Variants in SMC2 observed in about 807,000 individuals in gnomAD.
The protein encoded by SMC2 is structural maintenance of chromosomes protein 2.
A neutral mutation model predicts 142.6 loss-of-function variants in SMC2; 41 were observed. The observed-to-expected ratio is 0.29, with a 90% confidence interval of 0.22 to 0.37. The LOEUF (loss-of-function observed/expected upper bound fraction) is 0.37. Among genes scored for constraint, SMC2 ranks in the 10% least tolerant of loss-of-function variants. The pLI is 1.00. For synonymous variants in SMC2, 463 were observed against 457.5 expected (o/e 1.01, Z -0.15); for missense variants, 1,265 against 1,373.7 (o/e 0.92, Z 1.25).
At chr9:104,137,119 T>G (rs1267743097) in intron 23 of SMC2, among the ~76,000 whole-genome samples, 2 of 152,048 alleles carry the variant, frequency 1.3e-5, no homozygotes, top group African/African-American at 2.4e-5. Flanking sequence ...CTGCACTTCA[T>G]CCGGGGTGAC....
Position 104,134,400 on chromosome 9 carries a change from A to T in SMC2, c.3109-15A>T. ...AGCATCCTGATGTTTTAACTTTTTT[A>T]TTTTTTAAATCCAGGTGAACAAGGA... On this transcript the variant is annotated splice_polypyrimidine_tract_variant and intron_variant, in intron 22 of 24. Coordinates refer to ENST00000374793, the MANE Select transcript of SMC2 (RefSeq NM_006444.3). 1 of 1,559,062 alleles carries T rather than the reference A, an allele frequency of 6.4e-7. No homozygotes were observed. The highest frequency in any genetic ancestry group is 8.7e-7 in the Non-Finnish European group (1 of 1,154,954).
chr9:104,097,057 C>T (rs1248987990), intron 3 of SMC2, among the ~76,000 whole-genome samples: 7 of 150,666 alleles, frequency 4.6e-5, no homozygotes, highest in Non-Finnish European at 8.8e-5. Flanking sequence ...TTACTTGAAA[C>T]CACTCAATTT....
Position 104,132,067 on chromosome 9 carries a change from C to T in SMC2, c.3050C>T (p.Thr1017Ile), listed in dbSNP as rs765162261. The T allele has an allele frequency of 1.2e-6, 2 of 1,602,800 alleles. No individual in the cohort carries two copies. Among genetic ancestry groups the T allele is most frequent in the South Asian group, 2.2e-5 (2 of 88,978 alleles). Residue 1017 changes from threonine (T) to isoleucine (I), a missense_variant, in exon 22 of 25, where the codon ACA becomes ATA. Coordinates refer to ENST00000374793, the MANE Select transcript of SMC2 (RefSeq NM_006444.3). ...GAAAATGACAAATCCAAAATTCTTA[C>T]AACTATAGAAGACCTTGACCAGAAG... ...IVENDKSKIL[T>I]TIEDLDQKKN... is the part of the protein sequence containing the mutation.
rs544194442 is a variant in SMC2 at position 104,098,579 on chromosome 9, T to G, written c.441+11T>G. On this transcript the variant is annotated intron_variant, in intron 4 of 24. Coordinates refer to ENST00000374793, the MANE Select transcript of SMC2 (RefSeq NM_006444.3). Reference sequence around the variant, plus strand: ...TTTCTCATCATGCAGGTATTTCGTTTGAGGTCTTTATATCACTTTCGTAAT... The same window carrying G: ...TTTCTCATCATGCAGGTATTTCGTTGGAGGTCTTTATATCACTTTCGTAAT... The G allele has an allele frequency of 1.1e-5, 17 of 1,584,164 alleles. No homozygotes were observed. The African/African-American group carries it at 2.1e-4, about 19-fold the overall frequency.
intron 11 of SMC2, 92 bp from the exon 12 acceptor site, chr9:104,113,872 T>C: frequency 1.4e-6 from 1 of 735,126 alleles, no homozygotes; most frequent in Non-Finnish European, 2.2e-6. Context: ...ATTTTTTGCA[T>C]GCTTTGGAAA....
chr9:104,097,236 A>G (rs190908537), intron 3 of SMC2, among the ~76,000 whole-genome samples: 1 of 148,670 alleles, frequency 6.7e-6, no homozygotes, highest in East Asian at 2.0e-4. Context: ...AGCTGGGACT[A>G]CAGGTGCCCA....
intron 20 of SMC2, among the ~76,000 whole-genome samples, chr9:104,128,071 G>A (rs1007260342): frequency 2.0e-5 from 3 of 152,130 alleles, no homozygotes; most frequent in Admixed American, 2.0e-4. Context: ...TCATTGCTTG[G>A]TTAAGAAGCT....
At chr9:104,098,632 A>G in intron 4 of SMC2, 64 bp downstream of exon 4, 1 of 1,448,150 alleles carries the variant, frequency 6.9e-7, no homozygotes. Context: ...CTTTTAAGCA[A>G]TTAAAATAGA....
At chr9:104,094,234 A>G, upstream of SMC2, 1 of 396,962 alleles carries the variant, frequency 2.5e-6, no homozygotes, top group Non-Finnish European at 4.4e-6. Context: ...ATTGAACCCT[A>G]AAGACAGGCA....
At chr9:104,115,805 A>G (rs1331997139) in intron 13 of SMC2, among the ~76,000 whole-genome samples, 1 of 152,090 alleles carries the variant, frequency 6.6e-6, no homozygotes, top group Non-Finnish European at 1.5e-5. Flanking sequence ...AGATTTATTT[A>G]TCCTACCCAA....
At chr9:104,106,977 T>C (rs1831870037) in intron 9 of SMC2, among the ~76,000 whole-genome samples, 1 of 152,178 alleles carries the variant, frequency 6.6e-6, no homozygotes, top group Admixed American at 6.5e-5. Context: ...GCCATACTAT[T>C]AGTAGGCACA....
rs1834744238 is a variant in SMC2, at chr9:104,129,813, G to A, written c.2959G>A (p.Ala987Thr). Residue 987 changes from alanine (A) to threonine (T), a missense_variant, in exon 21 of 25, where the codon GCT becomes ACT. This residue lies in a region of SMC2 where 192 missense variants were observed against 261.9 expected (regional missense o/e 0.73). Coordinates refer to ENST00000374793, the MANE Select transcript of SMC2 (RefSeq NM_006444.3). Reference protein sequence around the residue: ...EKLGRNVNMRAMNVLTEAEER... With the variant: ...EKLGRNVNMRTMNVLTEAEER... Reference sequence around the variant, plus strand: ...ACTAGGAAGAAATGTCAATATGAGAGCTATGAATGTATTGACAGAAGCTGA... The same window carrying A: ...ACTAGGAAGAAATGTCAATATGAGAACTATGAATGTATTGACAGAAGCTGA... The A allele has an allele frequency of 6.2e-7, 1 of 1,613,626 alleles. No homozygotes were observed. Among genetic ancestry groups the A allele is most frequent in the South Asian group, 1.1e-5 (1 of 91,080 alleles).
chr9:104,093,765 G>C (rs1426504120), upstream of SMC2, among the ~76,000 whole-genome samples: 1 of 152,192 alleles, frequency 6.6e-6, no homozygotes, highest in Non-Finnish European at 1.5e-5. Context: ...AGGCCAGTAC[G>C]GGGCGGAGCC....
At chr9:104,116,439 A>T in intron 14 of SMC2, 120 bp downstream of exon 14, 1 of 967,426 alleles carries the variant, frequency 1.0e-6, no homozygotes, top group Non-Finnish European at 1.5e-6. Context: ...AATACAAAAA[A>T]ATTGGGTTGG....
chr9:104,097,393 ACGG>A (rs1830565142), intron 3 of SMC2, among the ~76,000 whole-genome samples: 1 of 143,780 alleles, frequency 7.0e-6, no homozygotes, highest in Non-Finnish European at 1.5e-5. Context: ...GGTGTGAGCC[ACGG>A]CGCCTGGCCC....
chr9:104,136,755 CTTTTTTT>C (rs755408895), intron 23 of SMC2, among the ~76,000 whole-genome samples: 2,016 of 119,850 alleles, frequency 0.017, 55 homozygotes, highest in African/African-American at 0.06. Context: ...CTGTTTTATT[CTTTTTTT>C]TTTTTTTTTT....
upstream of SMC2, among the ~76,000 whole-genome samples, chr9:104,093,523 T>C (rs1401991365): frequency 6.6e-6 from 1 of 152,224 alleles, no homozygotes; most frequent in African/African-American, 2.4e-5. Flanking sequence ...AAAAAGCCCC[T>C]TGCAATATAG....
At chr9:104,088,280 T>TATA in the SMC2 span, among the ~76,000 whole-genome samples, 1 of 152,142 alleles carries the variant, frequency 6.6e-6, no homozygotes, top group Non-Finnish European at 1.5e-5. Flanking sequence ...TAAACTATTC[T>TATA]TTTCTGGCAC....
At chr9:104,119,820 AAAT>A (rs1833531188) in intron 15 of SMC2, among the ~76,000 whole-genome samples, 1 of 152,214 alleles carries the variant, frequency 6.6e-6, no homozygotes, top group South Asian at 2.1e-4. Context: ...TATTTTGAAT[AAAT>A]AATACCTACT....
Sources: gnomAD v4.1 joint callset for allele counts (sites outside exome capture counted in the v4.1 genomes callset) on GRCh38, gnomAD v4.1.1 for gene constraint, gnomAD v4.1.1 regional missense constraint, MANE v1.5 for transcripts, NCBI Gene and HGNC (gene_info 2026-07-23, HGNC 2026-07-21) for gene names.